The following GPR158 variants were observed in gnomAD, a reference collection of about 807,000 sequenced individuals.
GPR158 encodes metabotropic glycine receptor.
In GPR158, 30 loss-of-function variants were observed where a neutral mutation model predicts 78.2. That is an observed-to-expected ratio of 0.38 (90% confidence interval 0.29 to 0.52). GPR158 has a LOEUF of 0.52. GPR158 is among the 20% of genes least tolerant of loss of function. GPR158 has a pLI of 0.83. For synonymous variants in GPR158, 581 were observed against 591.1 expected (o/e 0.98, Z 0.25); for missense variants, 1,463 against 1,523.5 (o/e 0.96, Z 0.66).
intron 9 of GPR158, 111 bp from the exon 10 acceptor site, chr10:25,596,532 T>A (rs1010164308): frequency 5.7e-6 from 4 of 697,340 alleles, no homozygotes; most frequent in Non-Finnish European, 4.9e-6. Flanking sequence ...GATAGATAGA[T>A]CTAGGTATAG....
rs1215441771 is a variant in GPR158 at position 25,175,184 on chromosome 10, GC to G, written c.-233del. Reference sequence around the variant, plus strand: ...CTGCGAGGTGCGTAATCCCCAGCCGGCCCCTCGCGCAGCGGGCACGGCCAGC... The same window carrying G: ...CTGCGAGGTGCGTAATCCCCAGCCGGCCCTCGCGCAGCGGGCACGGCCAGC... On this transcript the variant is annotated 5_prime_UTR_variant, in exon 1 of 11. Transcript: ENST00000376351. This position sits in a 1 kb window ranked among gnomAD's most constrained non-coding sequence, Gnocchi z 6.4. The G allele has an allele frequency of 4.3e-6, 2 of 462,276 alleles. No homozygotes were observed. The highest frequency in any genetic ancestry group is 4.0e-5 in the African/African-American group (2 of 50,214). The allele number at this position is 462,276 out of a possible 1,614,324, so 28.6% of individuals were successfully genotyped here.
At chr10:25,363,266 C>A (rs948080566) in intron 2 of GPR158, among the ~76,000 whole-genome samples, 4 of 151,868 alleles carry the variant, frequency 2.6e-5, no homozygotes, top group Admixed American at 1.3e-4. Flanking sequence ...TTATCACTAG[C>A]TGATTGATGT....
At chr10:25,313,495 A>T (rs922234617) in intron 2 of GPR158, among the ~76,000 whole-genome samples, 6 of 94,224 alleles carry the variant, frequency 6.4e-5, no homozygotes, top group South Asian at 3.4e-4. Flanking sequence ...ATCAATGGGT[A>T]AAAAAAAAAA....
chr10:25,427,748 A>G (rs1588858627), intron 4 of GPR158, among the ~76,000 whole-genome samples: 1 of 152,066 alleles, frequency 6.6e-6, no homozygotes, highest in South Asian at 2.1e-4. Context: ...AAGTTCTTAC[A>G]TATGAGCTTT....
chr10:25,225,102 T>C (rs1029860932), intron 2 of GPR158, among the ~76,000 whole-genome samples: 2 of 152,062 alleles, frequency 1.3e-5, no homozygotes, highest in Non-Finnish European at 2.9e-5. Context: ...GTTGTTGTTT[T>C]TTAAATACCT....
intron 4 of GPR158, among the ~76,000 whole-genome samples, chr10:25,447,434 G>A (rs1835152534): frequency 1.3e-5 from 2 of 152,174 alleles, no homozygotes; most frequent in Non-Finnish European, 2.9e-5. Flanking sequence ...CTTATGTGTG[G>A]TGCTCTGTCT....
intron 4 of GPR158, among the ~76,000 whole-genome samples, chr10:25,422,952 T>C (rs1834771675): frequency 6.8e-6 from 1 of 147,292 alleles, no homozygotes. Flanking sequence ...GAACATACAA[T>C]GTTTGGTTTT....
At chr10:25,286,702 G>T (rs767643509) in intron 2 of GPR158, among the ~76,000 whole-genome samples, 39 of 150,852 alleles carry the variant, frequency 2.6e-4, no homozygotes, top group Non-Finnish European at 5.0e-4. Context: ...TTTTTTGTTT[G>T]CCTGTAAATG....
At chr10:25,386,063 T>C (rs1834218159) in intron 2 of GPR158, among the ~76,000 whole-genome samples, 1 of 152,192 alleles carries the variant, frequency 6.6e-6, no homozygotes, top group African/African-American at 2.4e-5. Flanking sequence ...GCTTTTCCCA[T>C]TTTTCTTCCA....
At chr10:25,277,363 A>G (rs1044079437) in intron 2 of GPR158, among the ~76,000 whole-genome samples, 1 of 152,162 alleles carries the variant, frequency 6.6e-6, no homozygotes, top group Non-Finnish European at 1.5e-5. Flanking sequence ...GAAAAAAATG[A>G]ATACAAAAAC....
At chr10:25,338,481 TA>T (rs1855250882) in intron 2 of GPR158, among the ~76,000 whole-genome samples, 11 of 129,636 alleles carry the variant, frequency 8.5e-5, no homozygotes, top group Admixed American at 3.0e-4. Context: ...ATACGTATAA[TA>T]TACGTATAAT....
intron 6 of GPR158, among the ~76,000 whole-genome samples, chr10:25,563,831 A>T (rs1241956969): frequency 1.3e-5 from 2 of 152,186 alleles, no homozygotes; most frequent in African/African-American, 4.8e-5. Context: ...GAAGTTGCAA[A>T]AAAATTTTTA....
chr10:25,208,846 CCTT>C (rs1263886858), intron 1 of GPR158, among the ~76,000 whole-genome samples: 1 of 148,030 alleles, frequency 6.8e-6, no homozygotes, highest in Non-Finnish European at 1.5e-5. Context: ...TTCTTTCTTT[CCTT>C]CTTTTTTTTT....
intron 6 of GPR158, among the ~76,000 whole-genome samples, chr10:25,567,484 T>C (rs765503233): frequency 6.6e-6 from 1 of 152,200 alleles, no homozygotes; most frequent in East Asian, 1.9e-4. Flanking sequence ...CTGGGTAAAA[T>C]TGATGCTACT....
intron 2 of GPR158, among the ~76,000 whole-genome samples, chr10:25,372,593 T>C (rs1209782688): frequency 6.8e-6 from 1 of 146,352 alleles, no homozygotes; most frequent in East Asian, 2.0e-4. Context: ...CCATTCTCAG[T>C]AAACTATCGC....
intron 2 of GPR158, among the ~76,000 whole-genome samples, chr10:25,264,498 A>T (rs547825417): frequency 2.6e-4 from 39 of 152,278 alleles, no homozygotes; most frequent in Middle Eastern, 6.8e-3. Context: ...GTCAAGCCAT[A>T]ATATTACTCC....
intron 6 of GPR158, among the ~76,000 whole-genome samples, chr10:25,552,128 C>T (rs143473977): frequency 1.2e-4 from 18 of 152,176 alleles, no homozygotes; most frequent in South Asian, 2.1e-4. Context: ...CTTATATATG[C>T]GGTAAAGTAC....
intron 2 of GPR158, among the ~76,000 whole-genome samples, chr10:25,379,352 C>G (rs1224991698): frequency 6.6e-6 from 1 of 152,172 alleles, no homozygotes; most frequent in African/African-American, 2.4e-5. Context: ...TGATAAGTAA[C>G]TTGATATAGA....
chr10:25,230,969 G>T (rs1258803777), intron 2 of GPR158, among the ~76,000 whole-genome samples: 2 of 152,118 alleles, frequency 1.3e-5, no homozygotes, highest in Non-Finnish European at 1.5e-5. Context: ...TTTTTCTGTA[G>T]TGTTAAGATT....
Sources: gnomAD v4.1 joint callset for allele counts (sites outside exome capture counted in the v4.1 genomes callset) on GRCh38, gnomAD v4.1.1 for gene constraint, Gnocchi (gnomAD v3.1) non-coding constraint, MANE v1.5 for transcripts, NCBI Gene and HGNC (gene_info 2026-07-23, HGNC 2026-07-21) for gene names.